Variants in ASAP1 observed in about 807,000 individuals in gnomAD.
The protein encoded by ASAP1 is ArfGAP with SH3 domain, ankyrin repeat and PH domain 1, also known as arf-GAP with SH3 domain, ANK repeat and PH domain-containing protein 1.
A neutral mutation model predicts 145.2 loss-of-function variants in ASAP1; 43 were observed. The observed-to-expected ratio is 0.30, with a 90% CI of 0.23 to 0.38. The LOEUF (loss-of-function observed/expected upper bound fraction) is 0.38, where lower values mean the gene tolerates loss of function less well. ASAP1 is among the 10% of genes least tolerant of loss of function. The probability of loss-of-function intolerance (pLI) is 1.00; values close to 1 mark genes in which losing one functional copy is unlikely to be tolerated. For missense variants in ASAP1, 1,018 were observed against 1,355.3 expected (o/e 0.75, Z 3.91); for synonymous variants, 546 against 515.5 (o/e 1.06, Z -0.80).
At chr8:130,153,359 G>GTATATATATATATATATATATATATATA in intron 12 of ASAP1, among the ~76,000 whole-genome samples, 1 of 28,938 alleles carries the variant, frequency 3.5e-5, no homozygotes, top group East Asian at 2.0e-3. Flanking sequence ...ATATATATAT[G>GTATATATATATATATATATATATATATA]TATATATATA....
chr8:130,242,274 A>AAAC (rs1818578497), intron 3 of ASAP1, among the ~76,000 whole-genome samples: 1 of 150,486 alleles, frequency 6.6e-6, no homozygotes, highest in African/African-American at 2.4e-5. Flanking sequence ...AAAAAAAAAA[A>AAAC]AAAAAAAAAC....
intron 3 of ASAP1, among the ~76,000 whole-genome samples, chr8:130,290,493 T>C (rs557378326): frequency 2.0e-5 from 3 of 152,298 alleles, no homozygotes; most frequent in South Asian, 2.1e-4. Flanking sequence ...CAAACCTTCC[T>C]GGAAAGAGGA....
At chr8:130,428,645 C>A (rs375784511) in intron 1 of ASAP1, among the ~76,000 whole-genome samples, 1 of 149,666 alleles carries the variant, frequency 6.7e-6, no homozygotes, top group Non-Finnish European at 1.5e-5. Context: ...GTCATCATCA[C>A]CACCATCATC....
intron 3 of ASAP1, among the ~76,000 whole-genome samples, chr8:130,293,471 A>G (rs1332121140): frequency 6.6e-6 from 1 of 152,218 alleles, no homozygotes; most frequent in African/African-American, 2.4e-5. Context: ...GCCTCATGAC[A>G]TATTAAATCA....
rs779486286 is a variant in ASAP1 at position 130,076,388 on chromosome 8, A to C, written c.2661T>G (p.Thr887=). Residue 887 remains threonine (T), a synonymous_variant, in exon 27 of 30, where the codon ACT becomes ACG. Coordinates refer to ENST00000518721, the MANE Select transcript of ASAP1 (RefSeq NM_018482.4). ...TAGGAAGAACTCTTGGGCCAAGGGC[A>C]GTCTTTGCAGAACTGGTGCTAATCA... The part of the protein sequence containing the change: ...SQQSSTSSAK[T]ALGPRVLPKL... The C allele has an allele frequency of 1.4e-5, 22 of 1,611,992 alleles. No individual in the cohort carries two copies. The highest frequency in any genetic ancestry group is 1.7e-5 in the Non-Finnish European group (20 of 1,179,192).
chr8:130,113,366 TG>T (rs1317412095), intron 23 of ASAP1, among the ~76,000 whole-genome samples: 1 of 152,170 alleles, frequency 6.6e-6, no homozygotes, highest in Admixed American at 6.5e-5. Context: ...CTTCTTTCCC[TG>T]GCAAGCTTCC....
chr8:130,380,474 C>G (rs1827714819), intron 2 of ASAP1, among the ~76,000 whole-genome samples: 1 of 152,130 alleles, frequency 6.6e-6, no homozygotes, highest in Non-Finnish European at 1.5e-5. Flanking sequence ...TGCAGGGAAC[C>G]AGGGTGCGCC....
chr8:130,206,639 A>T (rs1816242751), intron 5 of ASAP1, among the ~76,000 whole-genome samples: 1 of 152,184 alleles, frequency 6.6e-6, no homozygotes, highest in Non-Finnish European at 1.5e-5. Flanking sequence ...AGGCCTCCGG[A>T]GAGAAGAAAC....
intron 3 of ASAP1, among the ~76,000 whole-genome samples, 156 bp downstream of exon 3, chr8:130,357,861 C>T (rs1018037074): frequency 6.6e-6 from 1 of 152,244 alleles, no homozygotes; most frequent in African/African-American, 2.4e-5. Context: ...GGGGAAGGCG[C>T]CGCCCGTCCG....
chr8:130,224,540 G>T (rs1372281699), intron 4 of ASAP1, among the ~76,000 whole-genome samples: 1 of 151,758 alleles, frequency 6.6e-6, no homozygotes, highest in Non-Finnish European at 1.5e-5. Flanking sequence ...GATTAAAAAA[G>T]ATATACACAC....
chr8:130,392,600 G>A (rs759188776), intron 2 of ASAP1, among the ~76,000 whole-genome samples: 26 of 152,188 alleles, frequency 1.7e-4, no homozygotes, highest in Non-Finnish European at 3.4e-4. Context: ...GAAGCTGAGT[G>A]TCTCAGTCCA....
chr8:130,383,762 G>A (rs1289633250), intron 2 of ASAP1, among the ~76,000 whole-genome samples: 2 of 152,196 alleles, frequency 1.3e-5, no homozygotes, highest in African/African-American at 4.8e-5. Flanking sequence ...TGGCATCCCT[G>A]GATCCAGGAG....
Position 130,422,820 on chromosome 8 carries a change from C to T in ASAP1, c.-28+20640G>A, listed in dbSNP as rs1029345345. ...TGTGAATTCTGGGACTTGGAGCAAG[C>T]CAGTAAGCAGGCTGAAGCCTCAGTT... On this transcript the variant is annotated intron_variant, in intron 1 of 29. Transcript: ENST00000518721. 2.6e-5 allele frequency among the ~76,000 whole-genome samples: 4 copies of T among 152,184 alleles called. No homozygotes were observed. The East Asian group carries it at 7.7e-4, about 29-fold the overall frequency.
intron 9 of ASAP1, among the ~76,000 whole-genome samples, chr8:130,178,583 G>A (rs1406735330): frequency 6.6e-6 from 1 of 152,200 alleles, no homozygotes; most frequent in Non-Finnish European, 1.5e-5. Context: ...ACTTATTTTA[G>A]ATGAAACAAA....
intron 1 of ASAP1, among the ~76,000 whole-genome samples, chr8:130,424,510 GTTTGTT>G (rs1565305048): frequency 1.3e-5 from 2 of 152,136 alleles, no homozygotes; most frequent in Non-Finnish European, 2.9e-5. Context: ...TAGGCTCAGC[GTTTGTT>G]TTTGTTTTTT....
intron 3 of ASAP1, among the ~76,000 whole-genome samples, chr8:130,325,932 A>T (rs1824298238): frequency 6.6e-6 from 1 of 152,350 alleles, no homozygotes; most frequent in Non-Finnish European, 1.5e-5. Flanking sequence ...TGCACCTTAC[A>T]TGAAATTTTC....
intron 1 of ASAP1, among the ~76,000 whole-genome samples, chr8:130,432,344 G>C (rs1425279502): frequency 6.6e-6 from 1 of 152,156 alleles, no homozygotes; most frequent in Admixed American, 6.5e-5. Context: ...GATGGGGAAG[G>C]TAGGGAAAGG....
At chr8:130,345,030 A>G (rs1374235076) in intron 3 of ASAP1, among the ~76,000 whole-genome samples, 2 of 152,162 alleles carry the variant, frequency 1.3e-5, no homozygotes, top group African/African-American at 2.4e-5. Flanking sequence ...AACTGAACTC[A>G]AGCCTCATCA....
intron 26 of ASAP1, among the ~76,000 whole-genome samples, 178 bp from the exon 27 acceptor site, chr8:130,076,584 C>T (rs532467663): frequency 3.9e-4 from 59 of 152,154 alleles, no homozygotes; most frequent in African/African-American, 1.3e-3. Context: ...TGTAGTGGCG[C>T]GATCTCTGCT....
Sources: allele counts gnomAD v4.1 joint callset (sites outside exome capture counted in the v4.1 genomes callset), GRCh38; gene constraint gnomAD v4.1.1; transcripts MANE v1.5; gene names NCBI Gene and HGNC (gene_info 2026-07-23, HGNC 2026-07-21).